FBXW2: variants seen among roughly 807,000 people sequenced by gnomAD.
The protein encoded by FBXW2 is F-box and WD repeat domain containing 2.
A neutral mutation model predicts 46.0 loss-of-function variants in FBXW2; 12 were observed. The ratio of observed to expected loss-of-function variants is 0.26; its 90% CI spans 0.17 to 0.42. The LOEUF (loss-of-function observed/expected upper bound fraction) is 0.42. FBXW2 is among the 10% of genes least tolerant of loss of function. The pLI, the probability that FBXW2 is intolerant of heterozygous loss-of-function variation, is 1.00. For synonymous variants in FBXW2, 203 were observed against 209.6 expected, an observed-to-expected ratio of 0.97 and a Z score of 0.27; for missense variants, 360 against 537.0, an observed-to-expected ratio of 0.67 and a Z score of 3.26.
chr9:120,792,940 T>C lies in FBXW2; in HGVS notation c.-21+209A>G, dbSNP rs533609677. ...GCGCAGTATAGCGCTTTGTACTTCA[T>C]AAACCACCTCATCACACTTCATCGT... On this transcript the variant is annotated intron_variant, in intron 2 of 7. Coordinates refer to ENST00000608872, the MANE Select transcript of FBXW2 (RefSeq NM_012164.4). The C allele has an allele frequency of 3.9e-6, 6 of 1,532,662 alleles. No individual in the cohort carries two copies. The East Asian group carries it at 1.5e-4, about 38-fold the overall frequency. The allele number at this position is 1,532,662 out of a possible 1,614,324, so 94.9% of individuals were successfully genotyped here. A position where few individuals can be genotyped will look rare whatever the true frequency, so the allele number is the denominator to read the frequency against.
chr9:120,793,326 C>T, intron 1 of FBXW2, 28 bp downstream of exon 1: 1 of 429,642 alleles, frequency 2.3e-6, no homozygotes, highest in Non-Finnish European at 4.1e-6. Context: ...GAGTCCCCTC[C>T]CCGACCGGCC....
intron 3 of FBXW2, among the ~76,000 whole-genome samples, chr9:120,786,376 C>T (rs1013772719): frequency 1.3e-5 from 2 of 152,222 alleles, no homozygotes; most frequent in Admixed American, 6.5e-5. Context: ...TCTCCTGCTG[C>T]CTTGTGAACA....
chr9:120,780,949 C>T (rs2044598572), intron 3 of FBXW2, among the ~76,000 whole-genome samples: 2 of 151,814 alleles, frequency 1.3e-5, no homozygotes, highest in South Asian at 4.2e-4. Flanking sequence ...GCCTTAGGAA[C>T]TGGCATGATT....
intron 3 of FBXW2, among the ~76,000 whole-genome samples, chr9:120,779,109 AG>A (rs1483816670): frequency 2.0e-4 from 30 of 152,218 alleles, no homozygotes; most frequent in African/African-American, 7.0e-4. Flanking sequence ...AGAAACCTCA[AG>A]GAAAACCTGG....
At chr9:120,774,337 C>CAAAAAAA (rs34199690) in intron 5 of FBXW2, among the ~76,000 whole-genome samples, 2 of 76,114 alleles carry the variant, frequency 2.6e-5, no homozygotes, top group Non-Finnish European at 5.4e-5. Flanking sequence ...AACTCCATCT[C>CAAAAAAA]AAAAAAAAAA....
chr9:120,781,523 A>AT (rs899412822), intron 3 of FBXW2, among the ~76,000 whole-genome samples: 1 of 152,116 alleles, frequency 6.6e-6, no homozygotes, highest in African/African-American at 2.4e-5. Flanking sequence ...CACTATGGCT[A>AT]TATCATGGAA....
chr9:120,791,393 AC>A (rs1405625130), intron 2 of FBXW2, among the ~76,000 whole-genome samples: 1 of 152,248 alleles, frequency 6.6e-6, no homozygotes, highest in African/African-American at 2.4e-5. Flanking sequence ...CAGATGTTTT[AC>A]TGATTCAGCC....
At position 120,771,473 on chromosome 9, in the gene FBXW2, T is replaced by C. The variant is rs1448233684; in HGVS notation, c.951A>G (p.Thr317=). The C allele has an allele frequency of 1.2e-6, 2 of 1,614,064 alleles. No individual in the cohort carries two copies. The highest frequency in any genetic ancestry group is 2.2e-5 in the East Asian group (1 of 44,888). ...GREINCKCLK[T]LSVSEDRSIC... ...TACTTCTATCCTCAGAGACAGACAA[T>C]GTCTTTAAGCACTTACAGTTGATTT... is the stretch of plus-strand genomic sequence containing the variant. Residue 317 remains threonine, a synonymous_variant, in exon 7 of 8, where the codon ACA becomes ACG. Coordinates refer to ENST00000608872, the MANE Select transcript of FBXW2 (RefSeq NM_012164.4).
At chr9:120,783,019 C>T (rs570395308) in intron 3 of FBXW2, among the ~76,000 whole-genome samples, 7 of 152,006 alleles carry the variant, frequency 4.6e-5, no homozygotes, top group South Asian at 2.1e-4. Flanking sequence ...TGCACAACAA[C>T]GTAATGTACT....
At chr9:120,773,176 GACCACA>G (rs2044416164) in intron 5 of FBXW2, among the ~76,000 whole-genome samples, 1 of 147,012 alleles carries the variant, frequency 6.8e-6, no homozygotes, top group African/African-American at 2.5e-5. Flanking sequence ...AACAGAGCAA[GACCACA>G]ACGCTTAAAA....
chr9:120,785,041 C>T (rs1421616995), intron 3 of FBXW2, among the ~76,000 whole-genome samples: 3 of 148,680 alleles, frequency 2.0e-5, no homozygotes, highest in Non-Finnish European at 4.4e-5. Context: ...CAGGGTTTTG[C>T]TGTGTTGCCC....
intron 7 of FBXW2, among the ~76,000 whole-genome samples, chr9:120,770,263 C>G (rs2044350968): frequency 6.6e-6 from 1 of 151,826 alleles, no homozygotes; most frequent in Non-Finnish European, 1.5e-5. Context: ...GTAGTCCCAG[C>G]TACTCGGGAG....
chr9:120,780,745 T>C (rs1272610592), intron 3 of FBXW2, among the ~76,000 whole-genome samples: 2 of 152,202 alleles, frequency 1.3e-5, no homozygotes, highest in African/African-American at 4.8e-5. Context: ...ATAGAACTTC[T>C]GTGTCAGGCA....
chr9:120,792,111 T>C (rs1449116410), intron 2 of FBXW2, among the ~76,000 whole-genome samples: 11 of 152,138 alleles, frequency 7.2e-5, no homozygotes, highest in Non-Finnish European at 2.9e-5. Context: ...ATGAGGAAAT[T>C]TACGGCTCAA....
chr9:120,789,535 T>C (rs1409866156), intron 2 of FBXW2, among the ~76,000 whole-genome samples: 2 of 152,240 alleles, frequency 1.3e-5, no homozygotes, highest in African/African-American at 2.4e-5. Context: ...TAGGGATTTA[T>C]TATTCTCTTT....
chr9:120,776,325 C>G (rs2044495899), intron 4 of FBXW2, 99 bp from the exon 5 acceptor site: 3 of 1,370,954 alleles, frequency 2.2e-6, no homozygotes, highest in African/African-American at 1.5e-5. Flanking sequence ...ATATAATTTC[C>G]CAACCAGAGA....
At chr9:120,766,590 G>A (rs1053047359) in intron 7 of FBXW2, among the ~76,000 whole-genome samples, 3 of 151,874 alleles carry the variant, frequency 2.0e-5, no homozygotes, top group East Asian at 1.9e-4. Flanking sequence ...TCAGCCTCCC[G>A]AGTAGCTGGG....
intron 7 of FBXW2, among the ~76,000 whole-genome samples, chr9:120,770,633 G>A (rs1362325946): frequency 6.6e-6 from 1 of 152,154 alleles, no homozygotes; most frequent in Non-Finnish European, 1.5e-5. Flanking sequence ...CTTTATAGAT[G>A]ATGAAATTGA....
intron 3 of FBXW2, among the ~76,000 whole-genome samples, chr9:120,780,934 C>T (rs767761472): frequency 1.3e-5 from 2 of 152,002 alleles, no homozygotes; most frequent in Non-Finnish European, 2.9e-5. Context: ...TGCTCTATAA[C>T]ACGTGCCTTA....
Sources: allele counts gnomAD v4.1 joint callset (sites outside exome capture counted in the v4.1 genomes callset), GRCh38; gene constraint gnomAD v4.1.1; transcripts MANE v1.5; gene names NCBI Gene and HGNC (gene_info 2026-07-23, HGNC 2026-07-21).